SLCO1B1: variants seen among roughly 807,000 people sequenced by gnomAD.
SLCO1B1 encodes solute carrier organic anion transporter family member 1B1.
In SLCO1B1, 81 loss-of-function variants were observed where a neutral mutation model predicts 70.1. The ratio of observed to expected loss-of-function variants is 1.16; its 90% CI spans 0.97 to 1.39. The LOEUF (loss-of-function observed/expected upper bound fraction) is 1.39, where lower values mean the gene tolerates loss of function less well. Among genes scored for constraint, SLCO1B1 ranks in the 40% most tolerant of loss-of-function variants. The pLI, the probability that SLCO1B1 is intolerant of heterozygous loss-of-function variation, is 0.00. For missense variants in SLCO1B1, 895 were observed against 799.6 expected (o/e 1.12, Z -1.44); for synonymous variants, 283 against 271.5 (o/e 1.04, Z -0.42).
chr12:21,154,791 CG>C (rs1185135130), intron 2 of SLCO1B1, among the ~76,000 whole-genome samples: 1 of 151,990 alleles, frequency 6.6e-6, no homozygotes, highest in Non-Finnish European at 1.5e-5. Flanking sequence ...GTTTCCAGTA[CG>C]TGTTTGGTTG....
At chr12:21,198,244 A>G (rs1258688750) in intron 8 of SLCO1B1, among the ~76,000 whole-genome samples, 1 of 152,098 alleles carries the variant, frequency 6.6e-6, no homozygotes, top group East Asian at 1.9e-4. Context: ...TTTCAGCTAC[A>G]TTGGTAGGTT....
chr12:21,221,732 C>A (rs56071396), intron 12 of SLCO1B1, among the ~76,000 whole-genome samples: 2 of 151,734 alleles, frequency 1.3e-5, no homozygotes, highest in Non-Finnish European at 2.9e-5. Flanking sequence ...CCAGTCAGAA[C>A]GGCCATTACT....
At chr12:21,142,549 T>C (rs560042484) in intron 2 of SLCO1B1, among the ~76,000 whole-genome samples, 7 of 152,062 alleles carry the variant, frequency 4.6e-5, no homozygotes, top group African/African-American at 1.4e-4. Flanking sequence ...CCACCAAGAT[T>C]GGAGTCAATT....
intron 12 of SLCO1B1, among the ~76,000 whole-genome samples, chr12:21,218,507 T>C (rs886828193): frequency 2.6e-5 from 4 of 152,152 alleles, no homozygotes; most frequent in African/African-American, 9.7e-5. Flanking sequence ...AGTATCAACC[T>C]GTAAATTGAA....
rs114360139 is a variant in SLCO1B1 at position 21,190,716 on chromosome 12, T to C, written c.728-6230T>C. ...CTCCTAAATCCACCACATCAATCTGTATGTCTTTGTATCTTCATGGCTTAG... is the reference window on the plus strand; with the variant it reads ...CTCCTAAATCCACCACATCAATCTGCATGTCTTTGTATCTTCATGGCTTAG... On this transcript the variant is annotated intron_variant, in intron 7 of 14. Coordinates refer to ENST00000256958, the MANE Select transcript of SLCO1B1 (RefSeq NM_006446.5). 7.1e-3 allele frequency among the ~76,000 whole-genome samples: 1,075 copies of C among 152,192 alleles called. 9 individuals carry two copies. The highest frequency in any genetic ancestry group is 0.024 in the African/African-American group (992 of 41,506).
intron 7 of SLCO1B1, among the ~76,000 whole-genome samples, chr12:21,192,609 T>C (rs1008151403): frequency 3.3e-5 from 5 of 151,986 alleles, no homozygotes; most frequent in African/African-American, 1.2e-4. Flanking sequence ...CTCTAATCTT[T>C]TTTTCTCCTG....
At chr12:21,214,661 C>A (rs1470312888) in intron 11 of SLCO1B1, among the ~76,000 whole-genome samples, 1 of 151,546 alleles carries the variant, frequency 6.6e-6, no homozygotes, top group Non-Finnish European at 1.5e-5. Flanking sequence ...CCTCCCCCAG[C>A]CTCGCTGCCG....
At chr12:21,196,671 T>C (rs1358166403) in intron 7 of SLCO1B1, among the ~76,000 whole-genome samples, 2 of 152,172 alleles carry the variant, frequency 1.3e-5, no homozygotes, top group African/African-American at 4.8e-5. Flanking sequence ...TGTCCAGTGA[T>C]AGAAACTGTC....
chr12:21,185,040 T>C (rs1450194560), intron 7 of SLCO1B1, among the ~76,000 whole-genome samples: 1 of 151,958 alleles, frequency 6.6e-6, no homozygotes, highest in African/African-American at 2.4e-5. Flanking sequence ...GGATAAAGTG[T>C]TCCATTAAAC....
At chr12:21,234,820 G>A (rs1941578985) in intron 14 of SLCO1B1, among the ~76,000 whole-genome samples, 1 of 152,116 alleles carries the variant, frequency 6.6e-6, no homozygotes, top group African/African-American at 2.4e-5. Context: ...TCAGGACCAA[G>A]TTATACAGAT....
At chr12:21,224,915 TA>T in intron 14 of SLCO1B1, 76 bp downstream of exon 14, 1 of 720,504 alleles carries the variant, frequency 1.4e-6, no homozygotes, top group Non-Finnish European at 2.3e-6. Flanking sequence ...TTTCATTATA[TA>T]ATAATATTAA....
chr12:21,217,786 A>T (rs1591825078), intron 12 of SLCO1B1, among the ~76,000 whole-genome samples: 1 of 152,180 alleles, frequency 6.6e-6, no homozygotes, highest in East Asian at 1.9e-4. Flanking sequence ...GTAGAAAAAT[A>T]AAAAAATACA....
At position 21,164,409 on chromosome 12, in the gene SLCO1B1, C is replaced by T. The variant is rs1431485443; in HGVS notation, c.85-8241C>T. ...TTACATTTTCTATTTTCCCCACCTCCTGTTGGTTCTCCTCTTAAACTTCTC... is the reference window on the plus strand; with the variant it reads ...TTACATTTTCTATTTTCCCCACCTCTTGTTGGTTCTCCTCTTAAACTTCTC... On this transcript the variant is annotated intron_variant, in intron 2 of 14. Transcript: ENST00000256958. 5.9e-5 allele frequency among the ~76,000 whole-genome samples: 9 copies of T among 152,212 alleles called. No individual in the cohort carries two copies. In the East Asian group the frequency reaches 1.7e-3, roughly 29 times the overall value.
intron 11 of SLCO1B1, among the ~76,000 whole-genome samples, chr12:21,212,845 T>C (rs1413032348): frequency 6.6e-6 from 1 of 151,864 alleles, no homozygotes; most frequent in Non-Finnish European, 1.5e-5. Flanking sequence ...TTTTGATCTT[T>C]GTTGTTTTAA....
chr12:21,224,238 T>G (rs1358113268), intron 13 of SLCO1B1, among the ~76,000 whole-genome samples: 1 of 151,948 alleles, frequency 6.6e-6, no homozygotes, highest in Non-Finnish European at 1.5e-5. Flanking sequence ...GGGAGGGAGT[T>G]CTGATGAAGC....
intron 11 of SLCO1B1, among the ~76,000 whole-genome samples, chr12:21,214,374 A>G (rs187476757): frequency 1.2e-4 from 18 of 149,948 alleles, no homozygotes; most frequent in East Asian, 2.0e-4. Context: ...TAGGCTGCTC[A>G]GGGGTCAGGG....
chr12:21,222,397 AATATATATAT>A (rs751514211), intron 13 of SLCO1B1, 33 bp downstream of exon 13: 129 of 97,726 alleles, frequency 1.3e-3, no homozygotes, highest in South Asian at 2.3e-3. Context: ...AAAAAAAAAA[AATATATATAT>A]ATATATATAT....
chr12:21,213,986 T>C (rs887056684), intron 11 of SLCO1B1, among the ~76,000 whole-genome samples: 6 of 151,636 alleles, frequency 4.0e-5, no homozygotes, highest in Non-Finnish European at 8.8e-5. Context: ...TTCAAAGTTT[T>C]CAACTTCTTT....
chr12:21,189,859 G>A (rs569061843), intron 7 of SLCO1B1, among the ~76,000 whole-genome samples: 36 of 152,206 alleles, frequency 2.4e-4, no homozygotes, highest in Middle Eastern at 6.8e-3. Flanking sequence ...AGTTACTTTT[G>A]TAGTGGAAAC....
Sources: allele counts gnomAD v4.1 joint callset (sites outside exome capture counted in the v4.1 genomes callset), GRCh38; gene constraint gnomAD v4.1.1; transcripts MANE v1.5; gene names NCBI Gene and HGNC (gene_info 2026-07-23, HGNC 2026-07-21).